Variants in DENND4A observed in about 807,000 individuals in gnomAD.
DENND4A encodes the protein DENN domain containing 4A.
A neutral mutation model predicts 199.3 loss-of-function variants in DENND4A; 70 were observed. That is an observed-to-expected ratio of 0.35 (90% CI 0.29 to 0.43). DENND4A has a LOEUF of 0.43. DENND4A is among the 20% of genes least tolerant of loss of function. DENND4A has a pLI of 1.00. For synonymous variants in DENND4A, 686 were observed against 766.9 expected, an observed-to-expected ratio of 0.89 and a Z score of 1.74; for missense variants, 1,723 against 2,255.8, an observed-to-expected ratio of 0.76 and a Z score of 4.78.
At position 65,667,943 on chromosome 15, in the gene DENND4A, A is replaced by G. The variant is rs1464984831; in HGVS notation, c.4968T>C (p.Ala1656=). Reference sequence around the variant, plus strand: ...TACATACTGTAGCTCCTTGTAAAGTAGCTGGCAGGCTGCCTGTAGAAATGA... The same window carrying G: ...TACATACTGTAGCTCCTTGTAAAGTGGCTGGCAGGCTGCCTGTAGAAATGA... ...QKLISTGSLP[A]TLQGATDSLG... is the part of the protein sequence containing the mutation. Residue 1656 remains alanine (A), a synonymous_variant, in exon 28 of 33, where the codon GCT becomes GCC. Transcript: ENST00000443035. 6.2e-7 allele frequency: 1 copy of G among 1,607,916 alleles called. No individual in the cohort carries two copies. The highest frequency in any genetic ancestry group is 1.7e-5 in the Admixed American group (1 of 58,120).
intron 20 of DENND4A, among the ~76,000 whole-genome samples, chr15:65,700,151 C>T (rs2074812941): frequency 6.6e-6 from 1 of 151,986 alleles, no homozygotes; most frequent in South Asian, 2.1e-4. Context: ...AACCAGGAAA[C>T]TGATGTTGGT....
At chr15:65,699,775 G>A (rs1160061079) in intron 20 of DENND4A, among the ~76,000 whole-genome samples, 1 of 150,810 alleles carries the variant, frequency 6.6e-6, no homozygotes, top group East Asian at 1.9e-4. Context: ...AACCTCCTGG[G>A]TTCAAGCAAT....
chr15:65,720,149 A>G (rs2075566473), intron 12 of DENND4A, among the ~76,000 whole-genome samples: 1 of 152,212 alleles, frequency 6.6e-6, no homozygotes, highest in Non-Finnish European at 1.5e-5. Context: ...GGATTAGGAC[A>G]GCAGTAATTC....
At chr15:65,731,600 C>G in intron 9 of DENND4A, 42 bp downstream of exon 9, 5 of 1,382,878 alleles carry the variant, frequency 3.6e-6, no homozygotes, top group Non-Finnish European at 5.0e-6. Flanking sequence ...GAATGTTATG[C>G]TAGATTGAGA....
rs752790870 is a variant in DENND4A at position 65,729,629 on chromosome 15, C to T, written c.1216G>A (p.Val406Met). The change falls in exon 10 of 33, where the codon GTG (valine) becomes ATG (methionine). Residue 406 changes from valine to methionine, a missense_variant. Val to Met is a conservative substitution (Grantham distance 21, BLOSUM62 1). Coordinates refer to ENST00000443035, the MANE Select transcript of DENND4A (RefSeq NM_001320835.1). ...GTTACTGCAAACACCAGTAGTGTCA[C>T]AGCATTTTCAGGGCCTAAATTCTGC... Reference protein sequence around the residue: ...LLQNLGPENAVTLLVFAVTEH... With the variant: ...LLQNLGPENAMTLLVFAVTEH... 5 of 1,570,136 alleles carry T rather than the reference C, an allele frequency of 3.2e-6. No individual in the cohort carries two copies. In the South Asian group the frequency reaches 4.7e-5, roughly 15 times the overall value.
chr15:65,661,832 T>G lies in DENND4A; in HGVS notation c.*19A>C. ...TGACTATACAATATACATTGAATGT[T>G]TACACATACAAATACATCTTAAAGA... On this transcript the variant is annotated 3_prime_UTR_variant, in exon 33 of 33. Transcript: ENST00000443035. The G allele has an allele frequency of 6.3e-7, 1 of 1,585,162 alleles. No homozygotes were observed. Among genetic ancestry groups the G allele is most frequent in the Non-Finnish European group, 8.6e-7 (1 of 1,162,492 alleles).
intron 25 of DENND4A, among the ~76,000 whole-genome samples, 160 bp from the exon 26 acceptor site, chr15:65,670,348 G>A (rs961399558): frequency 1.3e-5 from 2 of 152,124 alleles, no homozygotes; most frequent in East Asian, 1.9e-4. Flanking sequence ...TACTATAATC[G>A]TCTTCAGCTA....
At chr15:65,754,288 T>C (rs762571490) in intron 3 of DENND4A, among the ~76,000 whole-genome samples, 1 of 152,214 alleles carries the variant, frequency 6.6e-6, no homozygotes, top group Non-Finnish European at 1.5e-5. Context: ...GTGCTTATTC[T>C]TCCTTCTTTT....
At chr15:65,780,071 T>G (rs561419488) in intron 1 of DENND4A, among the ~76,000 whole-genome samples, 8 of 152,110 alleles carry the variant, frequency 5.3e-5, no homozygotes, top group Non-Finnish European at 1.2e-4. Flanking sequence ...AGATTTATTG[T>G]AACTGTTTAC....
At chr15:65,768,265 T>A (rs2077035585) in intron 1 of DENND4A, among the ~76,000 whole-genome samples, 1 of 152,164 alleles carries the variant, frequency 6.6e-6, no homozygotes, top group Non-Finnish European at 1.5e-5. Context: ...GATCTGCCCG[T>A]GCCGGCATCC....
Position 65,738,768 on chromosome 15 carries a change from T to C in DENND4A, c.739A>G (p.Asn247Asp). 1.9e-6 allele frequency: 3 copies of C among 1,613,022 alleles called. No individual in the cohort carries two copies. Among genetic ancestry groups the C allele is most frequent in the East Asian group, 2.2e-5 (1 of 44,764 alleles). Residue 247 changes from asparagine to aspartate, a missense_variant, in exon 6 of 33, where the codon AAT becomes GAT. Asn to Asp is a conservative substitution (Grantham distance 23). This residue lies in a region of DENND4A where 725 missense variants were observed against 952.9 expected (regional missense o/e 0.76). Transcript: ENST00000443035. ...AATACAGGCAGAGGGTATTTGCTAT[T>C]TGATGGCCAACATTCAATGGTTGCA... is the stretch of plus-strand genomic sequence containing the variant. ...MGATIECWPS[N>D]SKYPLPVFST...
intron 3 of DENND4A, among the ~76,000 whole-genome samples, chr15:65,754,962 T>C (rs975494222): frequency 1.7e-4 from 26 of 152,216 alleles, no homozygotes; most frequent in African/African-American, 5.5e-4. Flanking sequence ...ACATGAATAT[T>C]CATGGCAATA....
chr15:65,717,138 G>T (rs907029693), intron 13 of DENND4A, among the ~76,000 whole-genome samples: 7 of 151,854 alleles, frequency 4.6e-5, no homozygotes, highest in African/African-American at 1.2e-4. Context: ...AAATAACCAT[G>T]TCTCTCATCT....
intron 32 of DENND4A, among the ~76,000 whole-genome samples, chr15:65,664,005 T>C (rs1235368992): frequency 1.3e-5 from 2 of 152,138 alleles, no homozygotes; most frequent in East Asian, 1.9e-4. Context: ...AGATTAACTT[T>C]TAAAAATTGA....
rs72498783 is a variant in DENND4A at position 65,720,947 on chromosome 15, TTATATATATATATATATATATATA to T, written c.1588+1877_1588+1900del. On this transcript the variant is annotated intron_variant, in intron 12 of 32. Coordinates refer to ENST00000443035, the MANE Select transcript of DENND4A (RefSeq NM_001320835.1). ...AAAGTTGAATGGGCTGTTTCATTGA[TTATATATATATATATATATATATA>T]TATATATATATTTGTACTTTTTGCA... Among the ~76,000 whole-genome samples the T allele has an allele frequency of 2.9e-3, 224 of 76,264 alleles. 23 individuals are homozygous for T. Among genetic ancestry groups the T allele is most frequent in the East Asian group, 3.5e-3 (15 of 4,270 alleles). 50.0% of individuals were successfully genotyped at this position (76,264 alleles called of 152,430 possible).
chr15:65,722,615 T>A (rs1479918350), intron 12 of DENND4A, among the ~76,000 whole-genome samples: 2 of 152,090 alleles, frequency 1.3e-5, no homozygotes, highest in East Asian at 3.9e-4. Flanking sequence ...AATATACATA[T>A]TTTGCATTCC....
At chr15:65,784,701 T>C (rs1280504686) in intron 1 of DENND4A, among the ~76,000 whole-genome samples, 1 of 152,098 alleles carries the variant, frequency 6.6e-6, no homozygotes, top group African/African-American at 2.4e-5. Flanking sequence ...TATAATACTG[T>C]ATGTGTAAGT....
At chr15:65,704,013 C>T (rs2074962302) in intron 15 of DENND4A, among the ~76,000 whole-genome samples, 1 of 151,982 alleles carries the variant, frequency 6.6e-6, no homozygotes, top group Non-Finnish European at 1.5e-5. Context: ...AGAGGGTAGA[C>T]AATATTTTTT....
intron 23 of DENND4A, among the ~76,000 whole-genome samples, chr15:65,688,384 C>T (rs1286247034): frequency 6.6e-6 from 1 of 152,152 alleles, no homozygotes; most frequent in Non-Finnish European, 1.5e-5. Context: ...GTCACATTTT[C>T]CTGGTCCTTT....
Sources: gnomAD v4.1 joint callset for allele counts (sites outside exome capture counted in the v4.1 genomes callset) on GRCh38, gnomAD v4.1.1 for gene constraint, gnomAD v4.1.1 regional missense constraint, MANE v1.5 for transcripts, NCBI Gene and HGNC (gene_info 2026-07-23, HGNC 2026-07-21) for gene names.